FLT1: variants seen among roughly 807,000 people sequenced by gnomAD.
The protein encoded by FLT1 is vascular endothelial growth factor receptor 1.
FLT1 carries 49 observed loss-of-function variants against 156.3 expected under a neutral mutation model. That is an observed-to-expected ratio of 0.31 (90% CI 0.25 to 0.40). The LOEUF (loss-of-function observed/expected upper bound fraction) is 0.40, where lower values mean the gene tolerates loss of function less well. Ranked by LOEUF, FLT1 falls within the 10% of genes least tolerant of loss-of-function variation. The probability of loss-of-function intolerance (pLI) is 1.00; values close to 1 mark genes in which losing one functional copy is unlikely to be tolerated. For missense variants in FLT1, 1,322 were observed against 1,637.2 expected (o/e 0.81, Z 3.32); for synonymous variants, 594 against 583.8 (o/e 1.02, Z -0.25).
At chr13:28,437,835 G>C (rs543371617) in intron 4 of FLT1, among the ~76,000 whole-genome samples, 1 of 152,220 alleles carries the variant, frequency 6.6e-6, no homozygotes, top group East Asian at 1.9e-4. Flanking sequence ...TGGAGAACTG[G>C]GCACCCTGCT....
At chr13:28,308,675 T>C (rs1355362602) in intron 28 of FLT1, among the ~76,000 whole-genome samples, 168 bp downstream of exon 28, 2 of 152,346 alleles carry the variant, frequency 1.3e-5, no homozygotes, top group Admixed American at 6.5e-5. Flanking sequence ...AAATTAGTTC[T>C]GCACAGCTAG....
At chr13:28,333,058 G>A (rs538884745) in intron 18 of FLT1, among the ~76,000 whole-genome samples, 5 of 152,288 alleles carry the variant, frequency 3.3e-5, no homozygotes, top group South Asian at 2.1e-4. Flanking sequence ...GTTTTTTCTT[G>A]AGGAGTAAAC....
intron 6 of FLT1, among the ~76,000 whole-genome samples, chr13:28,432,567 C>T (rs986486040): frequency 2.0e-5 from 3 of 152,180 alleles, no homozygotes; most frequent in African/African-American, 4.8e-5. Context: ...CCACCAGCCA[C>T]GTGTGGCTAT....
intron 19 of FLT1, among the ~76,000 whole-genome samples, chr13:28,329,028 A>G (rs1182500040): frequency 6.6e-6 from 1 of 152,198 alleles, no homozygotes; most frequent in African/African-American, 2.4e-5. Flanking sequence ...AGCTGGGGAA[A>G]ACATTGGCTT....
At chr13:28,470,264 G>A (rs1340300257) in intron 1 of FLT1, among the ~76,000 whole-genome samples, 1 of 152,112 alleles carries the variant, frequency 6.6e-6, no homozygotes, top group Non-Finnish European at 1.5e-5. Context: ...GCAACATGTG[G>A]CCCAAAATCA....
intron 1 of FLT1, among the ~76,000 whole-genome samples, chr13:28,494,293 A>G (rs1593857979): frequency 6.6e-6 from 1 of 152,160 alleles, no homozygotes. Context: ...CCAGTGCCCA[A>G]TATCACCAAA....
chr13:28,318,631 C>T (rs913939993), intron 24 of FLT1, among the ~76,000 whole-genome samples: 1 of 152,192 alleles, frequency 6.6e-6, no homozygotes, highest in South Asian at 2.1e-4. Context: ...CTGGAAGCAA[C>T]AGGTGCCTGT....
chr13:28,305,878 T>C (rs1469960267), intron 29 of FLT1, among the ~76,000 whole-genome samples: 2 of 152,176 alleles, frequency 1.3e-5, no homozygotes, highest in African/African-American at 4.8e-5. Context: ...GTCAAAAGAT[T>C]GGACACCCCT....
intron 1 of FLT1, among the ~76,000 whole-genome samples, chr13:28,472,774 A>G (rs1880246885): frequency 1.3e-5 from 2 of 152,316 alleles, no homozygotes; most frequent in South Asian, 4.1e-4. Flanking sequence ...CCGATTCTTC[A>G]TCTGTCAACA....
chr13:28,386,905 C>T (rs1874398747), intron 13 of FLT1: 20 of 1,046,238 alleles, frequency 1.9e-5, no homozygotes, highest in Non-Finnish European at 2.3e-5. Context: ...CACTATTTCC[C>T]ATGCATTAAA....
At chr13:28,491,559 A>G (rs1881470027) in intron 1 of FLT1, among the ~76,000 whole-genome samples, 1 of 152,208 alleles carries the variant, frequency 6.6e-6, no homozygotes, top group South Asian at 2.1e-4. Flanking sequence ...CATCTCTTCC[A>G]AAACAGCCTA....
chr13:28,368,859 C>T (rs995785130), intron 14 of FLT1, among the ~76,000 whole-genome samples: 1 of 151,910 alleles, frequency 6.6e-6, no homozygotes, highest in African/African-American at 2.4e-5. Flanking sequence ...TGCCCACCAC[C>T]ATACCCGGCT....
chr13:28,475,940 C>T (rs1180069051), intron 1 of FLT1, among the ~76,000 whole-genome samples: 1 of 152,176 alleles, frequency 6.6e-6, no homozygotes, highest in African/African-American at 2.4e-5. Context: ...ATTCCATCCA[C>T]CAACAGACTA....
intron 13 of FLT1, chr13:28,388,047 G>GC (rs1475636975): frequency 9.4e-7 from 1 of 1,058,806 alleles, no homozygotes; most frequent in African/African-American, 1.6e-5. Context: ...TTTAATGTTA[G>GC]CAACTATTAA....
intron 14 of FLT1, among the ~76,000 whole-genome samples, chr13:28,381,636 A>C (rs1241120540): frequency 6.6e-6 from 1 of 152,178 alleles, no homozygotes; most frequent in Non-Finnish European, 1.5e-5. Context: ...CTATTTATTC[A>C]TGTATTTATT....
At chr13:28,367,177 A>G (rs139846910) in intron 14 of FLT1, among the ~76,000 whole-genome samples, 1 of 152,322 alleles carries the variant, frequency 6.6e-6, no homozygotes, top group Non-Finnish European at 1.5e-5. Flanking sequence ...AAATTCTGTC[A>G]GTTAATTTTG....
intron 10 of FLT1, among the ~76,000 whole-genome samples, chr13:28,412,541 C>T (rs1876361469): frequency 6.6e-6 from 1 of 151,006 alleles, no homozygotes; most frequent in Non-Finnish European, 1.5e-5. Context: ...CCTGCCTCAG[C>T]CTCCAGAGTG....
At chr13:28,371,660 A>G (rs952399696) in intron 14 of FLT1, among the ~76,000 whole-genome samples, 1 of 152,202 alleles carries the variant, frequency 6.6e-6, no homozygotes, top group Non-Finnish European at 1.5e-5. Flanking sequence ...TAAGAAAACA[A>G]AAAAATCATA....
chr13:28,363,349 T>C (rs1396304150), intron 14 of FLT1, among the ~76,000 whole-genome samples: 2 of 152,230 alleles, frequency 1.3e-5, no homozygotes, highest in Non-Finnish European at 2.9e-5. Flanking sequence ...GACCCATTTC[T>C]GTCTTTAATA....
Sources: gnomAD v4.1 joint callset for allele counts (sites outside exome capture counted in the v4.1 genomes callset) on GRCh38, gnomAD v4.1.1 for gene constraint, MANE v1.5 for transcripts, NCBI Gene and HGNC (gene_info 2026-07-23, HGNC 2026-07-21) for gene names.